The following PLA2R1 variants were observed in gnomAD, a reference collection of about 807,000 sequenced individuals.
PLA2R1 encodes phospholipase A2 receptor 1, also known as secretory phospholipase A2 receptor.
In PLA2R1, 158 loss-of-function variants were observed where a neutral mutation model predicts 195.9. The ratio of observed to expected loss-of-function variants is 0.81; its 90% CI spans 0.71 to 0.92. The LOEUF (loss-of-function observed/expected upper bound fraction) is 0.92. Among genes scored for constraint, PLA2R1 ranks in the 40% least tolerant of loss-of-function variants. PLA2R1 has a pLI of 0.00. For missense variants in PLA2R1, 1,626 were observed against 1,764.6 expected (o/e 0.92, Z 1.41); for synonymous variants, 586 against 598.2 (o/e 0.98, Z 0.30).
rs546470659 is a variant in PLA2R1 at position 159,953,903 on chromosome 2, G to A, written c.3301+1296C>T. On this transcript the variant is annotated intron_variant, in intron 23 of 29. Coordinates refer to ENST00000283243, the MANE Select transcript of PLA2R1 (RefSeq NM_007366.5). ...GGCTGGAATGCAGTGGTGCGATCTCGGCTCACTGCAACCTCCGCCTCCCGG... is the reference window on the plus strand; with the variant it reads ...GGCTGGAATGCAGTGGTGCGATCTCAGCTCACTGCAACCTCCGCCTCCCGG... Among the ~76,000 whole-genome samples the A allele has an allele frequency of 2.9e-4, 44 of 152,192 alleles. No individual in the cohort carries two copies. The South Asian group carries it at 7.9e-3, about 27-fold the overall frequency.
intron 9 of PLA2R1, among the ~76,000 whole-genome samples, 195 bp downstream of exon 9, chr2:160,016,419 A>G (rs1419243651): frequency 6.7e-6 from 1 of 149,868 alleles, no homozygotes; most frequent in East Asian, 2.0e-4. Flanking sequence ...CCTGTGTAGA[A>G]GATAGCAAGA....
chr2:159,958,383 G>C (rs981340683), intron 20 of PLA2R1, among the ~76,000 whole-genome samples: 5 of 152,136 alleles, frequency 3.3e-5, no homozygotes, highest in African/African-American at 7.2e-5. Context: ...ACAGCCTGCA[G>C]AACTGTAAGT....
chr2:160,024,474 T>C (rs912889633), intron 6 of PLA2R1, among the ~76,000 whole-genome samples: 41 of 152,136 alleles, frequency 2.7e-4, no homozygotes, highest in Admixed American at 1.3e-4. Flanking sequence ...TGTGCTGAAG[T>C]GGCACCCTGC....
intron 4 of PLA2R1, among the ~76,000 whole-genome samples, chr2:160,031,622 G>C (rs1267798513): frequency 1.3e-5 from 2 of 152,170 alleles, no homozygotes; most frequent in Admixed American, 6.5e-5. Context: ...TCACTTGCTT[G>C]AGTAACCCTG....
In PLA2R1 at chr2:159,940,581, A is replaced by C. The variant is rs1687040201; in HGVS notation, c.*1197T>G. 6.6e-6 allele frequency: 1 copy of C among 152,190 alleles called. No individual in the cohort carries two copies. Among genetic ancestry groups the C allele is most frequent in the South Asian group, 2.1e-4 (1 of 4,826 alleles). The allele number at this position is 152,190 out of a possible 1,614,324, so 9.4% of individuals were successfully genotyped here. ...GTACACTTTTTTCTTGATAAAATTC[A>C]ATAAACAGTTATGTAATGAGTAAAT... On this transcript the variant is annotated 3_prime_UTR_variant, in exon 30 of 30. Coordinates refer to ENST00000283243, the MANE Select transcript of PLA2R1 (RefSeq NM_007366.5).
intron 10 of PLA2R1, among the ~76,000 whole-genome samples, chr2:160,009,049 A>G (rs1476295513): frequency 2.0e-5 from 3 of 152,352 alleles, no homozygotes; most frequent in Middle Eastern, 3.4e-3. Flanking sequence ...AAACAACCAG[A>G]TAATAGTAAG....
At chr2:160,013,671 CTCTT>C (rs879785686) in intron 9 of PLA2R1, among the ~76,000 whole-genome samples, 4,978 of 86,924 alleles carry the variant, frequency 0.057, 116 homozygotes, top group Non-Finnish European at 0.085. Context: ...CTCTACCTCT[CTCTT>C]TCTCTCTCTC....
chr2:160,030,659 C>T (rs929863260), intron 4 of PLA2R1, among the ~76,000 whole-genome samples: 4 of 152,124 alleles, frequency 2.6e-5, no homozygotes, highest in Non-Finnish European at 4.4e-5. Context: ...ATAAGAAACT[C>T]GAATTTAAAT....
At position 160,046,935 on chromosome 2, in the gene PLA2R1, T is replaced by C. The variant is rs112102860; in HGVS notation, c.110-1778A>G. On this transcript the variant is annotated intron_variant, in intron 1 of 29. Transcript: ENST00000283243. ...TCATGCCTGGGTAGAATGTTTACCT[T>C]AATTTCTGTTGTAACCTACTAATCA... Among the ~76,000 whole-genome samples the C allele has an allele frequency of 7.7e-3, 1,174 of 152,320 alleles. 12 individuals carry two copies. Among genetic ancestry groups the C allele is most frequent in the Admixed American group, 0.013 (193 of 15,300 alleles).
chr2:159,981,216 CGT>C (rs3061613), intron 13 of PLA2R1, among the ~76,000 whole-genome samples: 49,521 of 147,990 alleles, frequency 0.33, 8,816 homozygotes, highest in Non-Finnish European at 0.4. Flanking sequence ...TATGTGCATA[CGT>C]GTGTGTGTGT....
chr2:160,028,182 C>G (rs962121419), intron 6 of PLA2R1, 36 bp downstream of exon 6: 12 of 1,457,484 alleles, frequency 8.2e-6, no homozygotes, highest in African/African-American at 1.4e-5. Context: ...GACAAGTCAA[C>G]AACACCTAAG....
At position 159,983,997 on chromosome 2, in the gene PLA2R1, T is replaced by A; in HGVS notation, c.2114A>T (p.His705Leu). ...CTCAATATGGGCAAAGCTTGCAAGA[T>A]GAGCTCCAAATTCTTCGCAAAATGC... is the stretch of plus-strand genomic sequence containing the variant. ...AEAFCEEFGA[H>L]LASFAHIEEE... is the part of the protein sequence containing the mutation. The change falls in exon 13 of 30, where the codon CAT (histidine) becomes CTT (leucine). Residue 705 changes from histidine (H) to leucine (L), a missense_variant. His to Leu is a moderately conservative substitution (Grantham distance 99). Transcript: ENST00000283243. The A allele has an allele frequency of 1.9e-6, 3 of 1,602,216 alleles. No homozygotes were observed. Among genetic ancestry groups the A allele is most frequent in the Non-Finnish European group, 2.6e-6 (3 of 1,169,706 alleles).
chr2:160,032,386 GAAGT>G (rs1469646719), intron 4 of PLA2R1, among the ~76,000 whole-genome samples: 1 of 152,198 alleles, frequency 6.6e-6, no homozygotes, highest in Non-Finnish European at 1.5e-5. Context: ...CTATAAAGAA[GAAGT>G]AAGAGGAGAG....
chr2:160,016,082 G>C (rs566726445), intron 9 of PLA2R1, among the ~76,000 whole-genome samples: 1 of 152,156 alleles, frequency 6.6e-6, no homozygotes, highest in African/African-American at 2.4e-5. Flanking sequence ...TGGCCAACAT[G>C]GCAAAATCCC....
At chr2:159,957,667 C>T (rs1688176907) in intron 20 of PLA2R1, among the ~76,000 whole-genome samples, 1 of 152,050 alleles carries the variant, frequency 6.6e-6, no homozygotes, top group Middle Eastern at 3.2e-3. Flanking sequence ...AGGTTTCTTT[C>T]TTATGGGATG....
At chr2:160,046,640 T>C (rs1314789609) in intron 1 of PLA2R1, among the ~76,000 whole-genome samples, 1 of 152,164 alleles carries the variant, frequency 6.6e-6, no homozygotes, top group African/African-American at 2.4e-5. Context: ...TAATAGTTGA[T>C]GACCTTACCT....
At chr2:160,036,061 T>A (rs115080771) in intron 3 of PLA2R1, among the ~76,000 whole-genome samples, 1,637 of 152,294 alleles carry the variant, frequency 0.011, 32 homozygotes, top group African/African-American at 0.038. Flanking sequence ...AAATTAAATG[T>A]TGGAGGCCTT....
chr2:160,048,471 T>A (rs984770576), intron 1 of PLA2R1, among the ~76,000 whole-genome samples: 5 of 152,230 alleles, frequency 3.3e-5, no homozygotes, highest in Admixed American at 6.5e-5. Context: ...ATCCTAGCAC[T>A]GTTAATCTCC....
chr2:160,055,668 C>A (rs1407388163), intron 1 of PLA2R1, among the ~76,000 whole-genome samples: 3 of 152,168 alleles, frequency 2.0e-5, no homozygotes, highest in Non-Finnish European at 4.4e-5. Context: ...TGGTTCGAAT[C>A]CCCATGCTGC....
Sources: allele counts gnomAD v4.1 joint callset (sites outside exome capture counted in the v4.1 genomes callset), GRCh38; gene constraint gnomAD v4.1.1; transcripts MANE v1.5; gene names NCBI Gene and HGNC (gene_info 2026-07-23, HGNC 2026-07-21).